Variants in RIMS2 observed in about 807,000 individuals in gnomAD.
The protein encoded by RIMS2 is regulating synaptic membrane exocytosis 2, also known as regulating synaptic membrane exocytosis protein 2.
A neutral mutation model predicts 174.4 loss-of-function variants in RIMS2; 59 were observed. The observed-to-expected ratio is 0.34, with a 90% CI of 0.27 to 0.42. The LOEUF (loss-of-function observed/expected upper bound fraction) is 0.42, where lower values mean the gene tolerates loss of function less well. Among genes scored for constraint, RIMS2 ranks in the 10% least tolerant of loss-of-function variants. The pLI is 1.00. For synonymous variants in RIMS2, 606 were observed against 572.5 expected, an observed-to-expected ratio of 1.06 and a Z score of -0.84; for missense variants, 1,620 against 1,666.3, an observed-to-expected ratio of 0.97 and a Z score of 0.48.
At position 103,763,657 on chromosome 8, in the gene RIMS2, A is replaced by G. The variant is rs117886182; in HGVS notation, c.388-2570A>G. Among the ~76,000 whole-genome samples the G allele has an allele frequency of 4.9e-3, 743 of 152,314 alleles. 2 individuals are homozygous for G. Among genetic ancestry groups the G allele is most frequent in the South Asian group, 9.3e-3 (45 of 4,832 alleles). On this transcript the variant is annotated intron_variant, in intron 2 of 23. Coordinates refer to ENST00000504942, the Ensembl canonical transcript of RIMS2. The stretch of plus-strand genomic sequence containing the variant: ...ATAGCCCAGGCAATGTGAGAAGGAT[A>G]TTAACACATGGAGAGTCTTTAATGG...
intron 3 of RIMS2, among the ~76,000 whole-genome samples, chr8:103,849,004 C>T (rs1210182933): frequency 1.3e-5 from 2 of 151,976 alleles, no homozygotes; most frequent in African/African-American, 4.8e-5. Context: ...GTAATGCATC[C>T]ATTTGGCATT....
At chr8:103,897,669 C>A (rs2099295109) in intron 4 of RIMS2, among the ~76,000 whole-genome samples, 1 of 151,562 alleles carries the variant, frequency 6.6e-6, no homozygotes, top group African/African-American at 2.4e-5. Flanking sequence ...ATGACTAGAT[C>A]TTTGCCCTCC....
At chr8:103,503,072 C>T (rs1821251852) in intron 1 of RIMS2, among the ~76,000 whole-genome samples, 1 of 151,794 alleles carries the variant, frequency 6.6e-6, no homozygotes, top group South Asian at 2.1e-4. Context: ...CAAATGTTCT[C>T]TAAATACATA....
At chr8:104,034,671 T>C (rs1202862771) in intron 19 of RIMS2, among the ~76,000 whole-genome samples, 1 of 151,918 alleles carries the variant, frequency 6.6e-6, no homozygotes, top group Non-Finnish European at 1.5e-5. Context: ...GGTTTCACCA[T>C]GTTGGCCAGG....
chr8:104,253,492 AAAG>A (rs2099363523), downstream of RIMS2: 2 of 152,216 alleles, frequency 1.3e-5, no homozygotes, highest in African/African-American at 4.8e-5. Context: ...TGACTCAAAG[AAAG>A]TCATTATGCC....
At chr8:104,114,697 G>A (rs901684998) in intron 19 of RIMS2, among the ~76,000 whole-genome samples, 5 of 151,188 alleles carry the variant, frequency 3.3e-5, no homozygotes, top group Non-Finnish European at 7.4e-5. Flanking sequence ...TCTGGCAATT[G>A]CCTTTTTTTT....
At chr8:103,730,103 T>C (rs1190282719) in intron 2 of RIMS2, among the ~76,000 whole-genome samples, 2 of 152,204 alleles carry the variant, frequency 1.3e-5, no homozygotes, top group Admixed American at 6.5e-5. Flanking sequence ...TGTTTCTTAA[T>C]TGACTTTCTG....
chr8:103,883,220 C>T (rs1245179841), intron 3 of RIMS2, among the ~76,000 whole-genome samples: 2 of 151,748 alleles, frequency 1.3e-5, no homozygotes, highest in East Asian at 1.9e-4. Context: ...CATGTAAAAT[C>T]TATGCCTCTC....
intron 4 of RIMS2, among the ~76,000 whole-genome samples, chr8:103,889,496 C>T (rs2099228697): frequency 6.6e-6 from 1 of 151,652 alleles, no homozygotes. Context: ...ATAAATAGCA[C>T]CAGGGAACAT....
intron 19 of RIMS2, among the ~76,000 whole-genome samples, chr8:104,051,416 T>C (rs2096783839): frequency 6.6e-6 from 1 of 152,072 alleles, no homozygotes. Context: ...AGATTATAGA[T>C]CGTGCTGAGT....
intron 2 of RIMS2, among the ~76,000 whole-genome samples, chr8:103,752,734 T>A (rs1470965970): frequency 6.6e-6 from 1 of 150,934 alleles, no homozygotes; most frequent in African/African-American, 2.5e-5. Context: ...GCTCTCTGTT[T>A]GTCTCTTATT....
chr8:103,853,735 G>A (rs1453395628), intron 3 of RIMS2, among the ~76,000 whole-genome samples: 3 of 152,000 alleles, frequency 2.0e-5, no homozygotes, highest in Non-Finnish European at 2.9e-5. Context: ...CTGTTCCATT[G>A]GTCTATGTGT....
intron 1 of RIMS2, among the ~76,000 whole-genome samples, chr8:103,651,871 C>T (rs1684943101): frequency 6.6e-6 from 1 of 151,986 alleles, no homozygotes; most frequent in Non-Finnish European, 1.5e-5. Context: ...TCTATTTGCA[C>T]TTAACTAAAT....
intron 17 of RIMS2, among the ~76,000 whole-genome samples, chr8:103,993,856 A>G (rs1432050155): frequency 1.3e-5 from 2 of 151,976 alleles, no homozygotes; most frequent in Non-Finnish European, 1.5e-5. Context: ...GTGAGACCCT[A>G]TCTCCACAAA....
At chr8:103,886,039 T>C in exon 4 of RIMS2, 1 of 1,613,006 alleles carries the variant, frequency 6.2e-7, no homozygotes, top group Non-Finnish European at 8.5e-7. Context: ...TGTTAAGGAA[T>C]GATTCTCTCA....
At chr8:103,870,849 GT>G (rs1180505508) in intron 3 of RIMS2, among the ~76,000 whole-genome samples, 5 of 152,038 alleles carry the variant, frequency 3.3e-5, no homozygotes, top group African/African-American at 1.2e-4. Context: ...TGGTCCCTAG[GT>G]TTAACCATAG....
chr8:103,773,741 A>ACAAAG (rs2098279254), intron 3 of RIMS2, among the ~76,000 whole-genome samples: 1 of 152,040 alleles, frequency 6.6e-6, no homozygotes, highest in Non-Finnish European at 1.5e-5. Context: ...AAAAAACAAA[A>ACAAAG]CAAATCTATA....
chr8:103,572,127 C>G (rs1396370495), intron 1 of RIMS2, among the ~76,000 whole-genome samples: 1 of 152,116 alleles, frequency 6.6e-6, no homozygotes, highest in Non-Finnish European at 1.5e-5. Context: ...TTTCTTCCTT[C>G]CAGTGGGTTC....
intron 19 of RIMS2, among the ~76,000 whole-genome samples, chr8:104,105,038 G>A (rs2098015288): frequency 6.6e-6 from 1 of 152,138 alleles, no homozygotes; most frequent in South Asian, 2.1e-4. Flanking sequence ...TGTAAGTTTG[G>A]GATAATTGGG....
Sources: allele counts gnomAD v4.1 joint callset (sites outside exome capture counted in the v4.1 genomes callset), GRCh38; gene constraint gnomAD v4.1.1; transcripts MANE v1.5; gene names NCBI Gene and HGNC (gene_info 2026-07-23, HGNC 2026-07-21).